Variants in VANGL2 observed in about 807,000 individuals in gnomAD.
The protein encoded by VANGL2 is VANGL planar cell polarity protein 2, also known as vang-like protein 2.
Under a neutral mutation model 50.2 loss-of-function variants are expected in VANGL2, and 14 were observed. That is an observed-to-expected ratio of 0.28 (90% confidence interval 0.18 to 0.44). The LOEUF is 0.44. VANGL2 is among the 20% of genes least tolerant of loss of function. The pLI, the probability that VANGL2 is intolerant of heterozygous loss-of-function variation, is 1.00. For synonymous variants in VANGL2, 295 were observed against 297.2 expected, an observed-to-expected ratio of 0.99 and a Z score of 0.08; for missense variants, 533 against 701.5, an observed-to-expected ratio of 0.76 and a Z score of 2.71.
intron 1 of VANGL2, among the ~76,000 whole-genome samples, chr1:160,413,490 C>T (rs1435092305): frequency 1.3e-5 from 2 of 152,058 alleles, no homozygotes; most frequent in African/African-American, 4.8e-5. Flanking sequence ...TCTTGAACTC[C>T]TGACCTCGTG....
intron 1 of VANGL2, among the ~76,000 whole-genome samples, chr1:160,412,004 TA>T (rs1194804572): frequency 6.6e-6 from 1 of 152,208 alleles, no homozygotes; most frequent in Non-Finnish European, 1.5e-5. Context: ...TAAAACTTGT[TA>T]ATTGCTTAAC....
At chr1:160,418,919 C>T (rs1651155583) in intron 3 of VANGL2, 83 bp from the exon 4 acceptor site, 2 of 1,516,958 alleles carry the variant, frequency 1.3e-6, no homozygotes, top group South Asian at 1.3e-5. Context: ...TCTCCTGTCC[C>T]CTCACCCTTT....
chr1:160,420,366 T>G, intron 4 of VANGL2, 45 bp from the exon 5 acceptor site: 1 of 1,613,208 alleles, frequency 6.2e-7, no homozygotes, highest in Non-Finnish European at 8.5e-7. Context: ...CCTGTGCCCC[T>G]TGGTCTGTCC....
chr1:160,417,719 G>A (rs1651109699), intron 3 of VANGL2, among the ~76,000 whole-genome samples: 1 of 152,202 alleles, frequency 6.6e-6, no homozygotes, highest in Non-Finnish European at 1.5e-5. Context: ...AGCGTGGCCT[G>A]CACAAGCCCT....
rs1000955851 is a variant in VANGL2 at position 160,419,639 on chromosome 1, G to GA, written c.800+31dup. On this transcript the variant is annotated intron_variant, in intron 4 of 7. Coordinates refer to ENST00000368061, the MANE Select transcript of VANGL2 (RefSeq NM_020335.3). The surrounding 1 kb of genome is among the most constrained non-coding windows in gnomAD (Gnocchi z 5.8). The stretch of plus-strand genomic sequence containing the variant: ...TAGCCCACGGCTGGAGAAGGGTTGG[G>GA]AGGGAAAGGGCATGGGAGGATGTGG... 1.3e-6 allele frequency: 2 copies of GA among 1,596,364 alleles called. No homozygotes were observed. Among genetic ancestry groups the GA allele is most frequent in the Non-Finnish European group, 1.7e-6 (2 of 1,179,184 alleles).
chr1:160,403,196 T>A (rs2101942245), intron 1 of VANGL2, among the ~76,000 whole-genome samples: 1 of 151,620 alleles, frequency 6.6e-6, no homozygotes, highest in African/African-American at 2.4e-5. Context: ...ACCTGTCTGA[T>A]AGTTAGGGCT....
At position 160,419,527 on chromosome 1, in the gene VANGL2, C is replaced by G. The variant is rs760434234; in HGVS notation, c.718C>G (p.Arg240Gly). The change falls in exon 4 of 8, where the codon CGC (arginine) becomes GGC (glycine). Residue 240 changes from arginine to glycine, a missense_variant. Coordinates refer to ENST00000368061, the MANE Select transcript of VANGL2 (RefSeq NM_020335.3). This position sits in a 1 kb window ranked among gnomAD's most constrained non-coding sequence, Gnocchi z 5.8. ...CCTGGCCGTGGTCCTGCTGGAGCTG[C>G]GCCAGCTCCAGCCTCAGTTCACGCT... ...HYLAVVLLEL[R>G]QLQPQFTLKV... The G allele has an allele frequency of 6.2e-7, 1 of 1,601,402 alleles. No homozygotes were observed. The highest frequency in any genetic ancestry group is 8.5e-7 in the Non-Finnish European group (1 of 1,179,682).
In VANGL2 at chr1:160,412,508, T is replaced by C. The variant is rs545128284; in HGVS notation, c.-190-3140T>C. ...AGGAGGAGTAGGCCAGTAGAATGGGTCCTCAGGAGAGTGGGTAGATGAGCC... is the reference window on the plus strand; with the variant it reads ...AGGAGGAGTAGGCCAGTAGAATGGGCCCTCAGGAGAGTGGGTAGATGAGCC... On this transcript the variant is annotated intron_variant, in intron 1 of 7. Coordinates refer to ENST00000368061, the MANE Select transcript of VANGL2 (RefSeq NM_020335.3). 4.6e-5 allele frequency among the ~76,000 whole-genome samples: 7 copies of C among 152,220 alleles called. No individual in the cohort carries two copies. In the South Asian group the frequency reaches 1.5e-3, roughly 32 times the overall value.
Position 160,419,219 on chromosome 1 carries a change from A to C in VANGL2, c.410A>C (p.Glu137Ala). The change falls in exon 4 of 8, where the codon GAG (glutamate) becomes GCG (alanine). Residue 137 changes from glutamate to alanine, a missense_variant. Physicochemically the swap from Glu to Ala is moderately radical, Grantham distance 107 (BLOSUM62 -1). Transcript: ENST00000368061. The surrounding 1 kb of genome is among the most constrained non-coding windows in gnomAD (Gnocchi z 5.8). The stretch of plus-strand genomic sequence containing the variant: ...CTGCCCCCACTGCTGTGGCGGGAGG[A>C]GCTGGAGCCTTGCGGGACGGCCTGC... ...LLLPPLLWRE[E>A]LEPCGTACEG... The C allele has an allele frequency of 6.2e-7, 1 of 1,610,564 alleles. No homozygotes were observed. Among genetic ancestry groups the C allele is most frequent in the Non-Finnish European group, 8.5e-7 (1 of 1,179,782 alleles).
intron 1 of VANGL2, among the ~76,000 whole-genome samples, chr1:160,408,959 C>G (rs1650783440): frequency 6.6e-6 from 1 of 152,206 alleles, no homozygotes; most frequent in African/African-American, 2.4e-5. Flanking sequence ...TAGCCCAAGG[C>G]TGGATGGGGA....
At chr1:160,424,030 C>G (rs1403754797) in intron 6 of VANGL2, 22 bp from the exon 7 acceptor site, 1 of 1,613,078 alleles carries the variant, frequency 6.2e-7, no homozygotes, top group Admixed American at 1.7e-5. Flanking sequence ...GGCATCTGGC[C>G]CAGTCCCCTC....
chr1:160,416,004 T>A lies in VANGL2; in HGVS notation c.72-58T>A, dbSNP rs1571242320. 10 of 1,613,938 alleles carry A rather than the reference T, an allele frequency of 6.2e-6. 1 individual carries two copies. The highest frequency in any genetic ancestry group is 5.5e-5 in the South Asian group (5 of 91,086). ...AGGGGTGGTAGGGTAGAGTGGCTGC[T>A]GAGAAGACCCTGGTCCACCACTGGA... is the stretch of plus-strand genomic sequence containing the variant. On this transcript the variant is annotated intron_variant, in intron 2 of 7. Coordinates refer to ENST00000368061, the MANE Select transcript of VANGL2 (RefSeq NM_020335.3).
chr1:160,427,043 G>A lies in VANGL2; in HGVS notation c.*1665G>A, dbSNP rs564766030. On this transcript the variant is annotated 3_prime_UTR_variant, in exon 8 of 8. Coordinates refer to ENST00000368061, the MANE Select transcript of VANGL2 (RefSeq NM_020335.3). ...TTGTTTACCCACCGCATGCTAGAGAGGAGCTCATTGGCCAATGCTTACCTT... is the reference window on the plus strand; with the variant it reads ...TTGTTTACCCACCGCATGCTAGAGAAGAGCTCATTGGCCAATGCTTACCTT... The A allele has an allele frequency of 2.6e-5, 4 of 152,868 alleles. No individual in the cohort carries two copies. The South Asian group carries it at 8.3e-4, about 32-fold the overall frequency. 9.5% of individuals were successfully genotyped at this position (152,868 alleles called of 1,614,324 possible).
chr1:160,415,934 C>T (rs911064248), intron 2 of VANGL2, 26 bp downstream of exon 2: 31 of 1,613,988 alleles, frequency 1.9e-5, no homozygotes, highest in Admixed American at 5.0e-5. Context: ...GGGTGACATG[C>T]GTGGCGGAGG....
intron 1 of VANGL2, among the ~76,000 whole-genome samples, chr1:160,413,018 T>G (rs1179027431): frequency 6.6e-6 from 1 of 152,194 alleles, no homozygotes; most frequent in African/African-American, 2.4e-5. Flanking sequence ...ATGTGTGTAG[T>G]AGGCTATACC....
chr1:160,411,156 C>T (rs1650869095), intron 1 of VANGL2, among the ~76,000 whole-genome samples: 1 of 152,094 alleles, frequency 6.6e-6, no homozygotes, highest in Non-Finnish European at 1.5e-5. Flanking sequence ...CTCTCTCCTC[C>T]CTGGCCTCAT....
rs1388502441 is a variant in VANGL2 at position 160,425,692 on chromosome 1, A to G, written c.*314A>G. On this transcript the variant is annotated 3_prime_UTR_variant, in exon 8 of 8. Transcript: ENST00000368061. ...TTTCCCTAGTCTTTTCCCAGATTAC[A>G]GTCTCTCCTGAAAGGGCACAGGGCC... The G allele has an allele frequency of 3.3e-6, 1 of 302,318 alleles. No homozygotes were observed. The highest frequency in any genetic ancestry group is 6.2e-6 in the Non-Finnish European group (1 of 161,588). The allele number at this position is 302,318 out of a possible 1,614,324, so 18.7% of individuals were successfully genotyped here.
At chr1:160,411,636 C>T (rs753871658) in intron 1 of VANGL2, among the ~76,000 whole-genome samples, 2 of 152,014 alleles carry the variant, frequency 1.3e-5, no homozygotes, top group African/African-American at 4.8e-5. Flanking sequence ...AGGAGACAAG[C>T]GTGTTTTGGT....
intron 2 of VANGL2, 38 bp downstream of exon 2, chr1:160,415,946 A>C (rs1265028068): frequency 2.5e-6 from 4 of 1,613,756 alleles, no homozygotes; most frequent in Non-Finnish European, 3.4e-6. Flanking sequence ...TGGCGGAGGG[A>C]GGGTTGGGGG....
Sources: gnomAD v4.1 joint callset for allele counts (sites outside exome capture counted in the v4.1 genomes callset) on GRCh38, gnomAD v4.1.1 for gene constraint, Gnocchi (gnomAD v3.1) non-coding constraint, MANE v1.5 for transcripts, NCBI Gene and HGNC (gene_info 2026-07-23, HGNC 2026-07-21) for gene names.